Variants in PTPRN2 observed in about 807,000 individuals in gnomAD.
PTPRN2 encodes the protein protein tyrosine phosphatase receptor type N2, also known as receptor-type tyrosine-protein phosphatase N2.
Under a neutral mutation model 118.8 loss-of-function variants are expected in PTPRN2, and 74 were observed. The ratio of observed to expected loss-of-function variants is 0.62; its 90% CI spans 0.52 to 0.76. The LOEUF (loss-of-function observed/expected upper bound fraction) is 0.76. PTPRN2 is among the 30% of genes least tolerant of loss of function. PTPRN2 has a pLI of 0.00. For missense variants in PTPRN2, 1,481 were observed against 1,394.4 expected, an observed-to-expected ratio of 1.06 and a Z score of -0.99; for synonymous variants, 641 against 608.0, an observed-to-expected ratio of 1.05 and a Z score of -0.80.
chr7:157,642,766 A>G (rs2150698065), intron 14 of PTPRN2, among the ~76,000 whole-genome samples: 1 of 139,472 alleles, frequency 7.2e-6, no homozygotes, highest in South Asian at 2.4e-4. Context: ...TTCTTCTATC[A>G]TGCCCCATTC....
chr7:157,927,046 C>T (rs199945563), intron 11 of PTPRN2, among the ~76,000 whole-genome samples: 2 of 130,964 alleles, frequency 1.5e-5, no homozygotes, highest in African/African-American at 2.6e-5. Flanking sequence ...CCCAGGGACC[C>T]GTCTGAGAGC....
At chr7:158,209,638 A>T (rs1393790007) in intron 3 of PTPRN2, among the ~76,000 whole-genome samples, 1 of 152,240 alleles carries the variant, frequency 6.6e-6, no homozygotes, top group African/African-American at 2.4e-5. Flanking sequence ...TGGACAGATC[A>T]TTGAGACAGA....
intron 21 of PTPRN2, among the ~76,000 whole-genome samples, chr7:157,558,683 G>T (rs1346543843): frequency 6.6e-6 from 1 of 152,238 alleles, no homozygotes; most frequent in Non-Finnish European, 1.5e-5. Flanking sequence ...CCCCTCCCAG[G>T]CCGCACTGAC....
chr7:158,491,062 A>G (rs1821409258), intron 1 of PTPRN2, among the ~76,000 whole-genome samples: 1 of 152,198 alleles, frequency 6.6e-6, no homozygotes. Context: ...TCCAGTCACT[A>G]CTTCCTCATG....
chr7:157,681,106 T>C (rs1796895930), intron 13 of PTPRN2, among the ~76,000 whole-genome samples: 1 of 152,220 alleles, frequency 6.6e-6, no homozygotes, highest in African/African-American at 2.4e-5. Context: ...CTGCAGTTTT[T>C]TTTTCAAATT....
chr7:157,635,993 C>T (rs540091134), intron 14 of PTPRN2, among the ~76,000 whole-genome samples: 15 of 152,318 alleles, frequency 9.8e-5, no homozygotes, highest in East Asian at 1.9e-4. Context: ...ATCAGGAAAT[C>T]GCTATTTTAA....
At chr7:157,630,722 G>A (rs1023394961) in intron 14 of PTPRN2, among the ~76,000 whole-genome samples, 2 of 152,184 alleles carry the variant, frequency 1.3e-5, no homozygotes, top group Non-Finnish European at 2.9e-5. Context: ...ACACGGTTTT[G>A]GAATTCAGCC....
intron 2 of PTPRN2, among the ~76,000 whole-genome samples, chr7:158,319,595 GCACACAGCCTCCCTTGTACA>G (rs1802709934): frequency 2.4e-4 from 2 of 8,368 alleles, no homozygotes; most frequent in African/African-American, 4.5e-4. Context: ...CCTCACACAC[GCACACAGCCTCCCTTGTACA>G]CACACAGCCT....
At chr7:158,321,446 G>A (rs1258653237) in intron 2 of PTPRN2, among the ~76,000 whole-genome samples, 1 of 152,076 alleles carries the variant, frequency 6.6e-6, no homozygotes, top group African/African-American at 2.4e-5. Context: ...GCAGCCTGTC[G>A]ACATGACCCT....
rs1824806295 is a variant in PTPRN2, at chr7:158,526,686, G to T, written c.113-36901C>A. Reference sequence around the variant, plus strand: ...AAAACGAGGTCGCCGGATGGGCCCGGATCCAGGCTGACTGGGTCCTTATGG... The same window carrying T: ...AAAACGAGGTCGCCGGATGGGCCCGTATCCAGGCTGACTGGGTCCTTATGG... On this transcript the variant is annotated intron_variant, in intron 1 of 22. Coordinates refer to ENST00000389418, the MANE Select transcript of PTPRN2 (RefSeq NM_002847.5). This position sits in a 1 kb window ranked among gnomAD's most constrained non-coding sequence, Gnocchi z 5.2. Among the ~76,000 whole-genome samples, 1 of 152,082 alleles carries T rather than the reference G, an allele frequency of 6.6e-6. No homozygotes were observed. The highest frequency in any genetic ancestry group is 1.5e-5 in the Non-Finnish European group (1 of 68,020).
At chr7:157,846,681 G>T (rs187798177) in intron 12 of PTPRN2, among the ~76,000 whole-genome samples, 106 of 150,806 alleles carry the variant, frequency 7.0e-4, no homozygotes, top group African/African-American at 2.4e-3. Flanking sequence ...CGTGCCCGAT[G>T]TCTACAGAGC....
intron 17 of PTPRN2, among the ~76,000 whole-genome samples, chr7:157,594,576 T>C (rs1207844464): frequency 6.6e-6 from 1 of 152,224 alleles, no homozygotes; most frequent in Non-Finnish European, 1.5e-5. Flanking sequence ...CGGGGTTGGC[T>C]GGTGTGCCCG....
At chr7:158,450,770 G>A (rs758051929) in intron 2 of PTPRN2, among the ~76,000 whole-genome samples, 2 of 152,218 alleles carry the variant, frequency 1.3e-5, no homozygotes, top group Non-Finnish European at 2.9e-5. Flanking sequence ...TGTGGGTCAC[G>A]TCCAGCCTGG....
rs552521035 is a variant in PTPRN2 at position 158,326,697 on chromosome 7, CA to C, written c.164-9766del. Among the ~76,000 whole-genome samples, 40 of 151,924 alleles carry C rather than the reference CA, an allele frequency of 2.6e-4. 1 individual carries two copies. The East Asian group carries it at 7.4e-3, about 28-fold the overall frequency. Reference sequence around the variant, plus strand: ...ACACATGCACAGTCTCACACATGCACACATCCTCACACATGCTCTCACATGC... The same window carrying C: ...ACACATGCACAGTCTCACACATGCACCATCCTCACACATGCTCTCACATGC... On this transcript the variant is annotated intron_variant, in intron 2 of 22. Coordinates refer to ENST00000389418, the MANE Select transcript of PTPRN2 (RefSeq NM_002847.5).
intron 11 of PTPRN2, among the ~76,000 whole-genome samples, chr7:157,937,160 T>G (rs1585047326): frequency 6.6e-6 from 1 of 152,222 alleles, no homozygotes; most frequent in African/African-American, 2.4e-5. Flanking sequence ...CTTCTGCATC[T>G]GGGCACCTGG....
intron 15 of PTPRN2, among the ~76,000 whole-genome samples, chr7:157,606,151 T>C (rs7457378): frequency 0.25 from 37,818 of 152,136 alleles, 5,947 homozygotes; most frequent in East Asian, 0.44. Flanking sequence ...GTGTCACACC[T>C]GCTGGGCTGT....
rs764823669 is a variant in PTPRN2, at chr7:157,729,546, G to C, written c.1789-46609C>G. Among the ~76,000 whole-genome samples, 4 of 152,244 alleles carry C rather than the reference G, an allele frequency of 2.6e-5. No individual in the cohort carries two copies. Among genetic ancestry groups the C allele is most frequent in the Non-Finnish European group, 4.4e-5 (3 of 68,044 alleles). ...TGGTGCTGTCCGAGTGGAGCCTCTG[G>C]TGAGCCGGACACCATCAAACAACAT... On this transcript the variant is annotated intron_variant, in intron 12 of 22. Coordinates refer to ENST00000389418, the MANE Select transcript of PTPRN2 (RefSeq NM_002847.5). This position sits in a 1 kb window ranked among gnomAD's most constrained non-coding sequence, Gnocchi z 4.3.
intron 2 of PTPRN2, among the ~76,000 whole-genome samples, chr7:158,445,658 G>A (rs929821520): frequency 1.3e-5 from 2 of 152,210 alleles, no homozygotes; most frequent in Admixed American, 1.3e-4. Flanking sequence ...GCAGACAGCC[G>A]CCTGCTGCTC....
intron 12 of PTPRN2, among the ~76,000 whole-genome samples, chr7:157,783,710 G>A (rs977621962): frequency 1.3e-5 from 2 of 151,796 alleles, no homozygotes; most frequent in East Asian, 1.9e-4. Context: ...CCACCTGTGG[G>A]TCCTGGATTC....
Sources: allele counts gnomAD v4.1 joint callset (sites outside exome capture counted in the v4.1 genomes callset), GRCh38; gene constraint gnomAD v4.1.1; non-coding constraint Gnocchi (gnomAD v3.1); transcripts MANE v1.5; gene names NCBI Gene and HGNC (gene_info 2026-07-23, HGNC 2026-07-21).